NXPH1: variants seen among roughly 807,000 people sequenced by gnomAD.
The protein encoded by NXPH1 is neurexophilin-1.
A neutral mutation model predicts 23.7 loss-of-function variants in NXPH1; 5 were observed. That is an observed-to-expected ratio of 0.21 (90% CI 0.11 to 0.44). NXPH1 has a LOEUF of 0.44. Ranked by LOEUF, NXPH1 falls within the 20% of genes least tolerant of loss-of-function variation. The probability of loss-of-function intolerance (pLI) is 0.99; values close to 1 mark genes in which losing one functional copy is unlikely to be tolerated. For missense variants in NXPH1, 324 were observed against 321.6 expected, an observed-to-expected ratio of 1.01 and a Z score of -0.06; for synonymous variants, 144 against 122.2, an observed-to-expected ratio of 1.18 and a Z score of -1.18.
intron 2 of NXPH1, among the ~76,000 whole-genome samples, chr7:8,643,716 A>G (rs1820353217): frequency 6.6e-6 from 1 of 152,108 alleles, no homozygotes; most frequent in Admixed American, 6.5e-5. Context: ...AAAACTTTTT[A>G]CTTTTAGGTT....
chr7:8,624,784 G>A (rs1819951505), intron 2 of NXPH1, among the ~76,000 whole-genome samples: 1 of 152,168 alleles, frequency 6.6e-6, no homozygotes, highest in African/African-American at 2.4e-5. Flanking sequence ...GTTTGGTGGA[G>A]GCTGTTGCAA....
chr7:8,725,578 C>A (rs2115210440), intron 2 of NXPH1, among the ~76,000 whole-genome samples: 1 of 152,024 alleles, frequency 6.6e-6, no homozygotes, highest in South Asian at 2.1e-4. Context: ...AGGCATGATT[C>A]ACCAAAAATA....
intron 2 of NXPH1, among the ~76,000 whole-genome samples, chr7:8,583,376 C>T (rs1036716860): frequency 2.0e-5 from 3 of 152,190 alleles, no homozygotes; most frequent in African/African-American, 7.2e-5. Context: ...GTTACATGGC[C>T]TCTCTATGCC....
intron 2 of NXPH1, among the ~76,000 whole-genome samples, chr7:8,637,030 G>A (rs1464739835): frequency 6.6e-6 from 1 of 152,092 alleles, no homozygotes; most frequent in Non-Finnish European, 1.5e-5. Flanking sequence ...CCTGTGCATG[G>A]TACAAAAATC....
chr7:8,668,256 G>GTT (rs75899225), intron 2 of NXPH1, among the ~76,000 whole-genome samples: 1,817 of 79,748 alleles, frequency 0.023, 52 homozygotes, highest in African/African-American at 0.062. Flanking sequence ...ATGTCTCTTT[G>GTT]TTTTTTTTTT....
intron 2 of NXPH1, among the ~76,000 whole-genome samples, chr7:8,457,856 AAGT>A (rs1816626546): frequency 6.6e-6 from 1 of 152,196 alleles, no homozygotes; most frequent in Non-Finnish European, 1.5e-5. Flanking sequence ...ATTGAAAAAA[AAGT>A]TAGAGCTATA....
At chr7:8,528,004 C>T (rs1817892144) in intron 2 of NXPH1, among the ~76,000 whole-genome samples, 3 of 152,300 alleles carry the variant, frequency 2.0e-5, no homozygotes, top group Non-Finnish European at 2.9e-5. Context: ...CTATTTTCTT[C>T]GTGTTAGTTT....
chr7:8,504,828 T>C (rs990690048), intron 2 of NXPH1, among the ~76,000 whole-genome samples: 12 of 152,192 alleles, frequency 7.9e-5, no homozygotes, highest in African/African-American at 2.9e-4. Context: ...AATGAGAAGA[T>C]GGGCAACTGA....
chr7:8,576,018 A>G (rs1286018506), intron 2 of NXPH1, among the ~76,000 whole-genome samples: 2 of 152,144 alleles, frequency 1.3e-5, no homozygotes, highest in East Asian at 1.9e-4. Context: ...TCCCATCTCA[A>G]TAGGGGATGG....
chr7:8,711,882 A>G (rs1240423983), intron 2 of NXPH1, among the ~76,000 whole-genome samples: 1 of 152,246 alleles, frequency 6.6e-6, no homozygotes, highest in Non-Finnish European at 1.5e-5. Flanking sequence ...TATGGTTACA[A>G]TAGGGAAGCT....
intron 2 of NXPH1, among the ~76,000 whole-genome samples, chr7:8,489,111 T>C (rs1045238045): frequency 6.6e-6 from 1 of 152,078 alleles, no homozygotes; most frequent in African/African-American, 2.4e-5. Context: ...CAAGAGAATT[T>C]CATGTGATTG....
At chr7:8,637,544 C>G (rs1425242135) in intron 2 of NXPH1, among the ~76,000 whole-genome samples, 1 of 152,164 alleles carries the variant, frequency 6.6e-6, no homozygotes, top group Admixed American at 6.5e-5. Flanking sequence ...ACTCTTATTT[C>G]CTGTTCTGGT....
chr7:8,527,043 C>G (rs1817872369), intron 2 of NXPH1, among the ~76,000 whole-genome samples: 1 of 81,798 alleles, frequency 1.2e-5, no homozygotes, highest in Admixed American at 1.1e-4. Context: ...AGAATTTGCC[C>G]CTTACCAAAA....
chr7:8,441,858 C>G (rs1290209995), intron 2 of NXPH1, among the ~76,000 whole-genome samples: 1 of 142,150 alleles, frequency 7.0e-6, no homozygotes, highest in East Asian at 2.1e-4. Flanking sequence ...GGATGAAAAC[C>G]TAATTACCTC....
chr7:8,732,813 C>T (rs1279170799), intron 2 of NXPH1, among the ~76,000 whole-genome samples: 1 of 152,080 alleles, frequency 6.6e-6, no homozygotes, highest in African/African-American at 2.4e-5. Flanking sequence ...TAGGATACAA[C>T]TATTTACTAT....
chr7:8,724,412 C>A (rs1478094070), intron 2 of NXPH1, among the ~76,000 whole-genome samples: 1 of 152,202 alleles, frequency 6.6e-6, no homozygotes, highest in Non-Finnish European at 1.5e-5. Context: ...TCTTCCCCAA[C>A]GACCTGTTCT....
chr7:8,584,992 A>G (rs1818953264), intron 2 of NXPH1, among the ~76,000 whole-genome samples: 1 of 152,180 alleles, frequency 6.6e-6, no homozygotes, highest in African/African-American at 2.4e-5. Context: ...GCCTCTCTAC[A>G]GTTTAAAAAA....
At chr7:8,619,954 G>C (rs948050092) in intron 2 of NXPH1, among the ~76,000 whole-genome samples, 46 of 152,124 alleles carry the variant, frequency 3.0e-4, no homozygotes, top group African/African-American at 1.1e-3. Context: ...ACTTAAGGCT[G>C]TTAACCAAGT....
At chr7:8,731,632 T>A (rs992117005) in intron 2 of NXPH1, among the ~76,000 whole-genome samples, 1 of 152,054 alleles carries the variant, frequency 6.6e-6, no homozygotes, top group African/African-American at 2.4e-5. Context: ...TGTTGGAGGG[T>A]GCCTCCCAGA....
Sources: gnomAD v4.1 joint callset for allele counts (sites outside exome capture counted in the v4.1 genomes callset) on GRCh38, gnomAD v4.1.1 for gene constraint, MANE v1.5 for transcripts, NCBI Gene and HGNC (gene_info 2026-07-23, HGNC 2026-07-21) for gene names.